RAB27B: variants seen among roughly 807,000 people sequenced by gnomAD.
RAB27B encodes the protein RAB27B, member RAS oncogene family, also known as ras-related protein Rab-27B.
In RAB27B, 15 loss-of-function variants were observed where a neutral mutation model predicts 24.6. The ratio of observed to expected loss-of-function variants is 0.61; its 90% CI spans 0.41 to 0.94. The LOEUF (loss-of-function observed/expected upper bound fraction) is 0.94, where lower values mean the gene tolerates loss of function less well. Among genes scored for constraint, RAB27B ranks in the 40% least tolerant of loss-of-function variants. RAB27B has a pLI of 0.00. For synonymous variants in RAB27B, 105 were observed against 92.5 expected, an observed-to-expected ratio of 1.14 and a Z score of -0.78; for missense variants, 261 against 266.8, an observed-to-expected ratio of 0.98 and a Z score of 0.15.
intron 2 of RAB27B, among the ~76,000 whole-genome samples, chr18:54,756,526 A>C (rs1908010789): frequency 6.6e-6 from 1 of 151,982 alleles, no homozygotes; most frequent in East Asian, 1.9e-4. Context: ...CTACCAATTC[A>C]ATGTGGAGAG....
At chr18:54,857,114 G>A (rs1465439498) in intron 1 of RAB27B, among the ~76,000 whole-genome samples, 2 of 152,116 alleles carry the variant, frequency 1.3e-5, no homozygotes, top group Non-Finnish European at 2.9e-5. Context: ...GACCATTAAC[G>A]ATATACAGTT....
At chr18:54,851,686 CT>C (rs1240399822) in intron 1 of RAB27B, among the ~76,000 whole-genome samples, 1 of 151,538 alleles carries the variant, frequency 6.6e-6, no homozygotes, top group Non-Finnish European at 1.5e-5. Flanking sequence ...GCTTTTTTTT[CT>C]TTTTTTTCTG....
chr18:54,849,243 G>A (rs1911458084), intron 1 of RAB27B, among the ~76,000 whole-genome samples: 1 of 152,216 alleles, frequency 6.6e-6, no homozygotes. Flanking sequence ...CTCCCACACC[G>A]ACATTGGTTG....
At chr18:54,760,365 A>G (rs1908145640) in intron 2 of RAB27B, among the ~76,000 whole-genome samples, 1 of 152,178 alleles carries the variant, frequency 6.6e-6, no homozygotes, top group Non-Finnish European at 1.5e-5. Flanking sequence ...AATATACTAC[A>G]TATCTAGGTA....
rs575513148 is a variant in RAB27B, at chr18:54,722,547, A to G, written c.-20+4406A>G. Reference sequence around the variant, plus strand: ...TTGAGTGCGATGCACATGGCATTTCATAGTGCACAGCACAGCTTTCAGGCT... The same window carrying G: ...TTGAGTGCGATGCACATGGCATTTCGTAGTGCACAGCACAGCTTTCAGGCT... On this transcript the variant is annotated intron_variant, in intron 2 of 4. Coordinates refer to the RAB27B transcript ENST00000586570. Among the ~76,000 whole-genome samples the G allele has an allele frequency of 1.5e-4, 23 of 152,306 alleles. No homozygotes were observed. In the South Asian group the frequency reaches 4.1e-3, roughly 27 times the overall value.
At chr18:54,884,692 C>A (rs1312872753) in intron 4 of RAB27B, among the ~76,000 whole-genome samples, 1 of 152,118 alleles carries the variant, frequency 6.6e-6, no homozygotes, top group Non-Finnish European at 1.5e-5. Context: ...TTTATCACCA[C>A]TTGTATTTAA....
At chr18:54,859,555 T>G (rs542505854) in intron 1 of RAB27B, among the ~76,000 whole-genome samples, 30 of 151,902 alleles carry the variant, frequency 2.0e-4, no homozygotes, top group African/African-American at 7.3e-4. Context: ...CACTCTCTGT[T>G]GTCAGAACCT....
intron 2 of RAB27B, among the ~76,000 whole-genome samples, chr18:54,738,664 A>G (rs1006154780): frequency 2.0e-5 from 3 of 152,154 alleles, no homozygotes; most frequent in African/African-American, 7.2e-5. Context: ...TATCCCAGAC[A>G]TTGCAATCAG....
At chr18:54,862,516 G>A (rs143819110) in intron 1 of RAB27B, among the ~76,000 whole-genome samples, 119 of 152,268 alleles carry the variant, frequency 7.8e-4, no homozygotes, top group Admixed American at 4.0e-3. Flanking sequence ...ACAGAGTCTC[G>A]AGATTCTGGA....
At chr18:54,825,870 A>G (rs897577796), upstream of RAB27B, among the ~76,000 whole-genome samples, 1 of 152,200 alleles carries the variant, frequency 6.6e-6, no homozygotes, top group Non-Finnish European at 1.5e-5. Flanking sequence ...GCCTCCTTCT[A>G]TGCTGAGATT....
At chr18:54,789,190 T>C (rs1441631801) in intron 2 of RAB27B, among the ~76,000 whole-genome samples, 1 of 152,188 alleles carries the variant, frequency 6.6e-6, no homozygotes, top group Non-Finnish European at 1.5e-5. Flanking sequence ...GATGATCATA[T>C]CCATAGCATC....
At chr18:54,751,824 T>A (rs192942116) in intron 2 of RAB27B, among the ~76,000 whole-genome samples, 3 of 152,204 alleles carry the variant, frequency 2.0e-5, no homozygotes, top group Admixed American at 2.0e-4. Flanking sequence ...GGGAAAGCAG[T>A]TGAGGAGATG....
chr18:54,849,332 T>C (rs1467591303), intron 1 of RAB27B, among the ~76,000 whole-genome samples: 1 of 152,188 alleles, frequency 6.6e-6, no homozygotes, highest in Admixed American at 6.5e-5. Flanking sequence ...GTTTAAAAAA[T>C]TATTATCTTT....
At position 54,758,129 on chromosome 18, in the gene RAB27B, G is replaced by T. The variant is rs116584023; in HGVS notation, c.-20+39988G>T. Among the ~76,000 whole-genome samples, 756 of 152,034 alleles carry T rather than the reference G, an allele frequency of 5.0e-3. 7 individuals are homozygous for T. The highest frequency in any genetic ancestry group is 0.017 in the African/African-American group (711 of 41,456). ...GCCTGTATTTTCTAGACAATGTGTT[G>T]CCCTCTGTTAGATAATAACCAAGTG... On this transcript the variant is annotated intron_variant, in intron 2 of 4. Transcript: ENST00000586570.
chr18:54,827,501 A>G (rs1205927900), upstream of RAB27B, among the ~76,000 whole-genome samples: 1 of 152,140 alleles, frequency 6.6e-6, no homozygotes, highest in Admixed American at 6.5e-5. Flanking sequence ...CTAGTTTGCT[A>G]TTGTTTGTTT....
chr18:54,887,334 G>A (rs1913185929), intron 4 of RAB27B, among the ~76,000 whole-genome samples: 1 of 151,662 alleles, frequency 6.6e-6, no homozygotes, highest in Non-Finnish European at 1.5e-5. Context: ...AGCAGTTATG[G>A]CCATCTCAGG....
intron 2 of RAB27B, among the ~76,000 whole-genome samples, chr18:54,769,383 A>G (rs1384913672): frequency 1.3e-5 from 2 of 152,038 alleles, no homozygotes; most frequent in Non-Finnish European, 2.9e-5. Context: ...TCTTTTTTAA[A>G]GTATATTTCT....
chr18:54,733,650 GCC>G (rs557873086), intron 2 of RAB27B, among the ~76,000 whole-genome samples: 1,389 of 92,300 alleles, frequency 0.015, 64 homozygotes, highest in African/African-American at 0.048. Flanking sequence ...CTGTTCTAGA[GCC>G]CCCCCCCCCC....
intron 2 of RAB27B, among the ~76,000 whole-genome samples, chr18:54,803,990 A>G (rs570170555): frequency 1.3e-5 from 2 of 152,172 alleles, no homozygotes; most frequent in Non-Finnish European, 2.9e-5. Flanking sequence ...GAAGGTGGAT[A>G]ATCAGTCCTG....
Sources: gnomAD v4.1 joint callset for allele counts (sites outside exome capture counted in the v4.1 genomes callset) on GRCh38, gnomAD v4.1.1 for gene constraint, MANE v1.5 for transcripts, NCBI Gene and HGNC (gene_info 2026-07-23, HGNC 2026-07-21) for gene names.